Variants in LINGO2 observed in about 807,000 individuals in gnomAD.
LINGO2 encodes leucine rich repeat and Ig domain containing 2, also known as leucine-rich repeat and immunoglobulin-like domain-containing nogo receptor-interacting protein 2.
A neutral mutation model predicts 30.6 loss-of-function variants in LINGO2; 14 were observed. That is an observed-to-expected ratio of 0.46 (90% confidence interval 0.30 to 0.72). LINGO2 has a LOEUF of 0.72. Among genes scored for constraint, LINGO2 ranks in the 30% least tolerant of loss-of-function variants. LINGO2 has a pLI of 0.07. For missense variants in LINGO2, 729 were observed against 751.7 expected (o/e 0.97, Z 0.35); for synonymous variants, 317 against 288.5 (o/e 1.10, Z -1.00).
chr9:28,766,594 A>C, the LINGO2 span, among the ~76,000 whole-genome samples: 2 of 152,050 alleles, frequency 1.3e-5, no homozygotes, highest in South Asian at 4.1e-4. Context: ...CAAAGGAGTG[A>C]AATCAGCATC....
In LINGO2 at chr9:28,475,979, C is replaced by T. The variant is rs999027436; in HGVS notation, c.-318G>A. 6.6e-6 allele frequency: 1 copy of T among 152,632 alleles called. No individual in the cohort carries two copies. Among genetic ancestry groups the T allele is most frequent in the African/African-American group, 2.4e-5 (1 of 41,454 alleles). The allele number at this position is 152,632 out of a possible 1,614,324, so 9.5% of individuals were successfully genotyped here. On this transcript the variant is annotated 5_prime_UTR_variant, in exon 2 of 6. The change creates a new upstream start codon in the 5' untranslated region. Coordinates refer to ENST00000379992, the Ensembl canonical transcript of LINGO2. Reference sequence around the variant, plus strand: ...GGGCTCTTCATGCTGGTAGTGGCCACTTTCGGTGCTCTGCTCTGAGCTTCT... The same window carrying T: ...GGGCTCTTCATGCTGGTAGTGGCCATTTTCGGTGCTCTGCTCTGAGCTTCT...
chr9:28,947,009 T>G, the LINGO2 span, among the ~76,000 whole-genome samples: 1 of 152,258 alleles, frequency 6.6e-6, no homozygotes, highest in Admixed American at 6.5e-5. Flanking sequence ...GTTCTGGCAT[T>G]TATAAACTAA....
chr9:29,139,019 G>A, the LINGO2 span, among the ~76,000 whole-genome samples: 1 of 152,100 alleles, frequency 6.6e-6, no homozygotes, highest in Non-Finnish European at 1.5e-5. Context: ...TTTCTGACTT[G>A]CTTGCACACT....
At chr9:28,244,408 G>C (rs532253023) in intron 4 of LINGO2, among the ~76,000 whole-genome samples, 1 of 151,690 alleles carries the variant, frequency 6.6e-6, no homozygotes, top group East Asian at 1.9e-4. Flanking sequence ...ACAGATGCAA[G>C]AGCAAAGACA....
At chr9:29,079,523 T>C in the LINGO2 span, among the ~76,000 whole-genome samples, 201 of 152,126 alleles carry the variant, frequency 1.3e-3, no homozygotes, top group African/African-American at 4.6e-3. Flanking sequence ...TCTGATAGAT[T>C]CTCTACATAC....
chr9:28,969,303 A>T, the LINGO2 span, among the ~76,000 whole-genome samples: 1 of 152,134 alleles, frequency 6.6e-6, no homozygotes, highest in South Asian at 2.1e-4. Context: ...CAAAGGAAAG[A>T]CTAATATCTG....
chr9:28,634,912 A>G (rs1223257970), intron 1 of LINGO2, among the ~76,000 whole-genome samples: 1 of 152,180 alleles, frequency 6.6e-6, no homozygotes, highest in East Asian at 1.9e-4. Flanking sequence ...AAGGTTTACG[A>G]TGTGTGCTGT....
chr9:28,191,333 A>C (rs1323475697), intron 4 of LINGO2, among the ~76,000 whole-genome samples: 1 of 152,226 alleles, frequency 6.6e-6, no homozygotes, highest in Non-Finnish European at 1.5e-5. Flanking sequence ...TCTATAGTTC[A>C]TAGAGGTAAA....
At chr9:28,544,752 TTA>T (rs1382669213) in intron 1 of LINGO2, among the ~76,000 whole-genome samples, 1 of 149,432 alleles carries the variant, frequency 6.7e-6, no homozygotes, top group Non-Finnish European at 1.5e-5. Flanking sequence ...TTATATGATA[TTA>T]TGTTATATAT....
intron 4 of LINGO2, among the ~76,000 whole-genome samples, chr9:28,101,703 G>A (rs1826421316): frequency 6.6e-6 from 1 of 152,246 alleles, no homozygotes; most frequent in East Asian, 1.9e-4. Flanking sequence ...TGCAACAGAA[G>A]TTTGTCTTGG....
intron 1 of LINGO2, among the ~76,000 whole-genome samples, chr9:28,649,030 G>T (rs960598642): frequency 1.2e-4 from 18 of 152,080 alleles, no homozygotes; most frequent in African/African-American, 4.3e-4. Flanking sequence ...TTTACATCTT[G>T]GCATAAGTGT....
At chr9:28,683,025 G>C in the LINGO2 span, among the ~76,000 whole-genome samples, 1 of 152,036 alleles carries the variant, frequency 6.6e-6, no homozygotes, top group Non-Finnish European at 1.5e-5. Flanking sequence ...ATGATTTTAA[G>C]TATTCCCACT....
In LINGO2 at chr9:28,364,657, T is replaced by C. The variant is rs572164102; in HGVS notation, c.-246+8179A>G. Among the ~76,000 whole-genome samples, 5 of 152,358 alleles carry C rather than the reference T, an allele frequency of 3.3e-5. No homozygotes were observed. In the South Asian group the frequency reaches 8.3e-4, roughly 25 times the overall value. Reference sequence around the variant, plus strand: ...TCCCCAAAGATATAAACTTAGACTCTTGTATTGTAGACAGTTATGTTTTCA... The same window carrying C: ...TCCCCAAAGATATAAACTTAGACTCCTGTATTGTAGACAGTTATGTTTTCA... On this transcript the variant is annotated intron_variant, in intron 3 of 5. Transcript: ENST00000379992.
At chr9:29,011,632 G>C in the LINGO2 span, among the ~76,000 whole-genome samples, 35 of 152,230 alleles carry the variant, frequency 2.3e-4, no homozygotes, top group African/African-American at 8.4e-4. Context: ...CATATAAAAA[G>C]TTTAATAGGT....
the LINGO2 span, among the ~76,000 whole-genome samples, chr9:28,879,218 T>C: frequency 2.6e-5 from 4 of 152,112 alleles, no homozygotes; most frequent in Admixed American, 1.3e-4. Context: ...ACCCAAATCA[T>C]GAGTGAACTC....
the LINGO2 span, among the ~76,000 whole-genome samples, chr9:29,022,038 T>C: frequency 2.6e-5 from 4 of 152,160 alleles, no homozygotes; most frequent in African/African-American, 9.7e-5. Context: ...TCTGTTTTAT[T>C]TTTCTGCAAT....
the LINGO2 span, among the ~76,000 whole-genome samples, chr9:29,147,033 T>A: frequency 6.6e-6 from 1 of 152,160 alleles, no homozygotes; most frequent in African/African-American, 2.4e-5. Context: ...ATCTGAACAT[T>A]TGCTGTAGTT....
chr9:28,514,080 T>A lies in LINGO2; in HGVS notation c.-364-38055A>T, dbSNP rs185289888. Among the ~76,000 whole-genome samples, 54 of 152,368 alleles carry A rather than the reference T, an allele frequency of 3.5e-4. No individual in the cohort carries two copies. In the South Asian group the frequency reaches 4.6e-3, roughly 13 times the overall value. On this transcript the variant is annotated intron_variant, in intron 1 of 5. Transcript: ENST00000379992. The stretch of plus-strand genomic sequence containing the variant: ...TCCACGATCTTTGACGTTACTGTTG[T>A]AATTGTTTTGAAATGCTAGAAATTA...
the LINGO2 span, among the ~76,000 whole-genome samples, chr9:28,768,678 C>A: frequency 1.2e-3 from 176 of 150,816 alleles, no homozygotes; most frequent in Middle Eastern, 0.01. Context: ...TCTCTCTCTG[C>A]ATATACATGT....
Sources: gnomAD v4.1 joint callset for allele counts (sites outside exome capture counted in the v4.1 genomes callset) on GRCh38, gnomAD v4.1.1 for gene constraint, MANE v1.5 for transcripts, NCBI Gene and HGNC (gene_info 2026-07-23, HGNC 2026-07-21) for gene names.